The following MLN variants were observed in gnomAD, a reference collection of about 807,000 sequenced individuals.
The protein encoded by MLN is motilin, also known as promotilin.
MLN carries 14 observed loss-of-function variants against 13.3 expected under a neutral mutation model. The ratio of observed to expected loss-of-function variants is 1.05; its 90% CI spans 0.69 to 1.64. The LOEUF (loss-of-function observed/expected upper bound fraction) is 1.64. Among genes scored for constraint, MLN ranks in the 40% most tolerant of loss-of-function variants. The pLI, the probability that MLN is intolerant of heterozygous loss-of-function variation, is 0.00. For missense variants in MLN, 122 were observed against 142.9 expected (o/e 0.85, Z 0.75); for synonymous variants, 59 against 54.7 (o/e 1.08, Z -0.34).
Position 33,794,795 on chromosome 6 carries a change from A to T in MLN, c.*30T>A. The T allele has an allele frequency of 1.9e-6, 3 of 1,613,060 alleles. No homozygotes were observed. The highest frequency in any genetic ancestry group is 2.5e-6 in the Non-Finnish European group (3 of 1,179,518). ...TCACTTGGGCAGGAGGGGCCTCCCA[A>T]ATCTGTCCACCTTCTCCCCAGCGTG... On this transcript the variant is annotated 3_prime_UTR_variant, in exon 5 of 5. Transcript: ENST00000430124.
At position 33,799,552 on chromosome 6, in the gene MLN, G is replaced by C. The variant is rs184339511; in HGVS notation, c.118-331C>G. On this transcript the variant is annotated intron_variant, in intron 2 of 4. Transcript: ENST00000430124. The surrounding 1 kb of genome is among the most constrained non-coding windows in gnomAD (Gnocchi z 4.6). ...AATGCCTGCCCTTCATGCATATTAA[G>C]TGTGAAAATGTGTCTTTCTTAGCAG... 6.6e-5 allele frequency among the ~76,000 whole-genome samples: 10 copies of C among 152,314 alleles called. No homozygotes were observed. Among genetic ancestry groups the C allele is most frequent in the African/African-American group, 2.2e-4 (9 of 41,558 alleles).
chr6:33,800,841 A>G (rs1195951680), intron 2 of MLN, among the ~76,000 whole-genome samples: 1 of 152,202 alleles, frequency 6.6e-6, no homozygotes, highest in East Asian at 1.9e-4. Flanking sequence ...TTTCCTCCAA[A>G]GGATAGGCAG....
Position 33,799,368 on chromosome 6 carries a change from G to T in MLN, c.118-147C>A. ...CCTTTCCTCCAGGAGCCTCCTGCACGAGGAATCTCAGATACTAACTAGTGG... is the reference window on the plus strand; with the variant it reads ...CCTTTCCTCCAGGAGCCTCCTGCACTAGGAATCTCAGATACTAACTAGTGG... On this transcript the variant is annotated intron_variant, in intron 2 of 4. Coordinates refer to ENST00000430124, the MANE Select transcript of MLN (RefSeq NM_002418.3). This position sits in a 1 kb window ranked among gnomAD's most constrained non-coding sequence, Gnocchi z 4.6. 1.8e-6 allele frequency: 1 copy of T among 549,244 alleles called. No homozygotes were observed. The allele number at this position is 549,244 out of a possible 1,614,324, so 34.0% of individuals were successfully genotyped here.
intron 4 of MLN, 150 bp downstream of exon 4, chr6:33,795,353 A>G: frequency 1.5e-6 from 1 of 661,984 alleles, no homozygotes; most frequent in Non-Finnish European, 2.6e-6. Flanking sequence ...ACCAGCAGGT[A>G]TCACAGCATA....
In MLN at chr6:33,803,377, G is replaced by T; in HGVS notation, c.-8+576C>A. Among the ~76,000 whole-genome samples, 2 of 147,892 alleles carry T rather than the reference G, an allele frequency of 1.4e-5. No homozygotes were observed. The highest frequency in any genetic ancestry group is 4.3e-4 in the South Asian group (2 of 4,654). On this transcript the variant is annotated intron_variant, in intron 1 of 4. Transcript: ENST00000430124. The surrounding 1 kb of genome is among the most constrained non-coding windows in gnomAD (Gnocchi z 4.5). ...GGCTAGAGTGCAGTGGCGCGATCTC[G>T]GCTCACTGCAACCTCTGCCTCCCAG...
Position 33,799,310 on chromosome 6 carries a change from G to T in MLN, c.118-89C>A. On this transcript the variant is annotated intron_variant, in intron 2 of 4. Transcript: ENST00000430124. The surrounding 1 kb of genome is among the most constrained non-coding windows in gnomAD (Gnocchi z 4.6). ...CCTGTCTCCATCTGCCCAGGGTGCT[G>T]TCTGCCCTGAGCTCCCTACAGACTG... 2.2e-6 allele frequency: 2 copies of T among 902,710 alleles called. No homozygotes were observed. The highest frequency in any genetic ancestry group is 3.5e-6 in the Non-Finnish European group (2 of 566,154). 55.9% of individuals were successfully genotyped at this position (902,710 alleles called of 1,614,324 possible). A position where few individuals can be genotyped will look rare whatever the true frequency, so the allele number is the denominator to read the frequency against.
intron 2 of MLN, among the ~76,000 whole-genome samples, chr6:33,800,560 G>A (rs1403067722): frequency 1.3e-5 from 2 of 152,218 alleles, no homozygotes; most frequent in African/African-American, 4.8e-5. Flanking sequence ...TTCCAAGCAC[G>A]CTCCAGCCCT....
In MLN at chr6:33,801,091, C is replaced by G. The variant is rs1368727028; in HGVS notation, c.73G>C (p.Ala25Pro). Residue 25 changes from alanine (A) to proline (P), a missense_variant, in exon 2 of 5, where the codon GCC becomes CCC. Physicochemically the swap from Ala to Pro is conservative, Grantham distance 27. Transcript: ENST00000430124. ...CCATAGGTGAAGATGGGGACGAAGG[C>G]TTCCGTCTGGGAGGCCAGCATGGCA... ...VAAMLASQTEAFVPIFTYGEL... is the reference protein window; with the variant it reads ...VAAMLASQTEPFVPIFTYGEL... 6.2e-7 allele frequency: 1 copy of G among 1,614,158 alleles called. No individual in the cohort carries two copies. The highest frequency in any genetic ancestry group is 1.1e-5 in the South Asian group (1 of 91,088).
intron 3 of MLN, among the ~76,000 whole-genome samples, chr6:33,797,126 G>A (rs186648473): frequency 4.1e-4 from 63 of 152,346 alleles, no homozygotes; most frequent in African/African-American, 1.5e-3. Flanking sequence ...AAAGATCACT[G>A]GCCTGTGTCC....
intron 2 of MLN, among the ~76,000 whole-genome samples, chr6:33,800,577 T>C (rs1163358302): frequency 6.6e-6 from 1 of 152,246 alleles, no homozygotes; most frequent in Non-Finnish European, 1.5e-5. Flanking sequence ...CCCTTGGTGA[T>C]TCTCCTTCCT....
chr6:33,795,613 A>G lies in MLN; in HGVS notation c.235-8T>C. On this transcript the variant is annotated splice_polypyrimidine_tract_variant and splice_region_variant and intron_variant, in intron 3 of 4. Coordinates refer to ENST00000430124, the MANE Select transcript of MLN (RefSeq NM_002418.3). ...TTCCAGAGGAGCAGTCAGCTGTGAA[A>G]TAAGGCAGCGTTAACAACGAGGGAG... 1 of 1,553,192 alleles carries G rather than the reference A, an allele frequency of 6.4e-7. No homozygotes were observed. The highest frequency in any genetic ancestry group is 8.7e-7 in the Non-Finnish European group (1 of 1,147,352).
Position 33,795,534 on chromosome 6 carries a change from T to G in MLN, c.306A>C (p.Glu102Asp), listed in dbSNP as rs1767893867. The G allele has an allele frequency of 1.3e-6, 2 of 1,567,194 alleles. No homozygotes were observed. Among genetic ancestry groups the G allele is most frequent in the Non-Finnish European group, 1.7e-6 (2 of 1,154,480 alleles). ...GGGGAAGCATCTCACTCAGCAGCCC[T>G]TCCAGGGTGGCCGGGTACTTTTCCA... ...RQLEKYPATL[E>D]GLLSEMLPQH... The change falls in exon 4 of 5, where the codon GAA (glutamate) becomes GAC (aspartate). Residue 102 changes from glutamate to aspartate, a missense_variant. By Grantham distance (45) the Glu-to-Asp change is conservative (BLOSUM62 2). Transcript: ENST00000430124.
chr6:33,796,046 G>A (rs10223332), intron 3 of MLN, among the ~76,000 whole-genome samples: 75 of 145,808 alleles, frequency 5.1e-4, no homozygotes, highest in African/African-American at 1.8e-3. Flanking sequence ...TGCAAGCTCC[G>A]CCTCCCGGGT....
At chr6:33,796,681 G>A (rs1482042651) in intron 3 of MLN, among the ~76,000 whole-genome samples, 1 of 152,182 alleles carries the variant, frequency 6.6e-6, no homozygotes, top group African/African-American at 2.4e-5. Flanking sequence ...CATCTGAAGG[G>A]CCCCAGTCCA....
rs1054949774 is a variant in MLN at position 33,803,741 on chromosome 6, G to A, written c.-8+212C>T. On this transcript the variant is annotated intron_variant, in intron 1 of 4. Coordinates refer to ENST00000430124, the MANE Select transcript of MLN (RefSeq NM_002418.3). The surrounding 1 kb of genome is among the most constrained non-coding windows in gnomAD (Gnocchi z 4.5). ...AACAGCCTCTGCTTTGCCAGGAGTT[G>A]TACCCACCTGCTTGCCTCCAGCGTC... Among the ~76,000 whole-genome samples the A allele has an allele frequency of 2.6e-5, 4 of 152,226 alleles. No individual in the cohort carries two copies. The highest frequency in any genetic ancestry group is 7.2e-5 in the African/African-American group (3 of 41,462).
chr6:33,796,482 C>G (rs906917785), intron 3 of MLN, among the ~76,000 whole-genome samples: 6 of 152,212 alleles, frequency 3.9e-5, no homozygotes, highest in Non-Finnish European at 8.8e-5. Context: ...TCTCCCCGTC[C>G]CCGCTCCGCA....
intron 4 of MLN, among the ~76,000 whole-genome samples, chr6:33,795,255 A>C (rs1312624212): frequency 6.6e-6 from 1 of 152,224 alleles, no homozygotes; most frequent in Non-Finnish European, 1.5e-5. Context: ...ATGTTGTGGA[A>C]GGGAATGAAA....
chr6:33,801,215 T>A (rs1464530826), intron 1 of MLN, 45 bp from the exon 2 acceptor site: 1 of 1,438,722 alleles, frequency 7.0e-7, no homozygotes, highest in South Asian at 1.2e-5. Context: ...TGGGGTACAG[T>A]GGCAGACTGC....
chr6:33,796,839 G>T (rs1176672630), intron 3 of MLN, among the ~76,000 whole-genome samples: 4 of 152,222 alleles, frequency 2.6e-5, no homozygotes, highest in African/African-American at 4.8e-5. Flanking sequence ...ATGGAAAGAG[G>T]TGAGAGGTGC....
Sources: gnomAD v4.1 joint callset for allele counts (sites outside exome capture counted in the v4.1 genomes callset) on GRCh38, gnomAD v4.1.1 for gene constraint, Gnocchi (gnomAD v3.1) non-coding constraint, MANE v1.5 for transcripts, NCBI Gene and HGNC (gene_info 2026-07-23, HGNC 2026-07-21) for gene names.